Variants in ETNK1 observed in about 807,000 individuals in gnomAD.
ETNK1 encodes the protein putative protein product of Nbla10396.
ETNK1 carries 8 observed loss-of-function variants against 45.1 expected under a neutral mutation model. The observed-to-expected ratio is 0.18, with a 90% CI of 0.10 to 0.32. The LOEUF (loss-of-function observed/expected upper bound fraction) is 0.32, where lower values mean the gene tolerates loss of function less well. ETNK1 is among the 10% of genes least tolerant of loss of function. ETNK1 has a pLI of 1.00. For synonymous variants in ETNK1, 152 were observed against 151.9 expected, an observed-to-expected ratio of 1.00 and a Z score of -0.01; for missense variants, 302 against 430.6, an observed-to-expected ratio of 0.70 and a Z score of 2.64.
intron 1 of ETNK1, among the ~76,000 whole-genome samples, chr12:22,633,040 T>A (rs1953601586): frequency 6.6e-6 from 1 of 152,194 alleles, no homozygotes; most frequent in African/African-American, 2.4e-5. Context: ...AAATTATGCT[T>A]CTTACAATTA....
intron 2 of ETNK1, among the ~76,000 whole-genome samples, chr12:22,658,135 T>G (rs1182539505): frequency 6.6e-6 from 1 of 151,866 alleles, no homozygotes; most frequent in African/African-American, 2.4e-5. Flanking sequence ...TAACAAGAAC[T>G]AGGTAGACAG....
Position 22,643,745 on chromosome 12 carries a change from A to G in ETNK1, c.157-18A>G. On this transcript the variant is annotated intron_variant, in intron 1 of 7. Coordinates refer to ENST00000266517, the MANE Select transcript of ETNK1 (RefSeq NM_018638.5). The stretch of plus-strand genomic sequence containing the variant: ...GATAATTGCTTTTTTTCCCATTTTT[A>G]AAAAAAATTTTTGGCAGCTCTTCAC... The G allele has an allele frequency of 6.4e-7, 1 of 1,557,722 alleles. No individual in the cohort carries two copies. Among genetic ancestry groups the G allele is most frequent in the Non-Finnish European group, 8.7e-7 (1 of 1,149,500 alleles).
At chr12:22,678,923 C>T (rs536609316) in intron 6 of ETNK1, among the ~76,000 whole-genome samples, 16 of 152,314 alleles carry the variant, frequency 1.1e-4, no homozygotes, top group African/African-American at 3.6e-4. Flanking sequence ...ATTTTGAAGT[C>T]CACTAGTTAA....
In ETNK1 at chr12:22,666,097, C is replaced by G. The variant is rs150205765; in HGVS notation, c.700+4892C>G. Among the ~76,000 whole-genome samples, 20 of 152,270 alleles carry G rather than the reference C, an allele frequency of 1.3e-4. No individual in the cohort carries two copies. In the East Asian group the frequency reaches 3.9e-3, roughly 29 times the overall value. On this transcript the variant is annotated intron_variant, in intron 4 of 7. Coordinates refer to ENST00000266517, the MANE Select transcript of ETNK1 (RefSeq NM_018638.5). ...GGCATCACGGGAAGAAATTTTGCCT[C>G]TACCTGCTCTCACCATGTCAGTTGA...
At position 22,625,268 on chromosome 12, in the gene ETNK1, C is replaced by A. The variant is rs769775775; in HGVS notation, c.-163C>A. On this transcript the variant is annotated 5_prime_UTR_variant, in exon 1 of 8. Coordinates refer to ENST00000266517, the MANE Select transcript of ETNK1 (RefSeq NM_018638.5). ...TCCAGACCCGGATCGGCAACAGTGC[C>A]GCCTCCAGACGTTCTCCTGCCGCTC... 1.9e-6 allele frequency: 3 copies of A among 1,609,604 alleles called. No individual in the cohort carries two copies. Among genetic ancestry groups the A allele is most frequent in the Non-Finnish European group, 1.7e-6 (2 of 1,178,852 alleles).
rs866302750 is a variant in ETNK1 at position 22,647,653 on chromosome 12, C to T, written c.416+3631C>T. ...ACAATTAGGCAGTAATTTGCTCATG[C>T]AAAAACTCAAAGGGGATATATAAAA... On this transcript the variant is annotated intron_variant, in intron 2 of 7. Transcript: ENST00000266517. Among the ~76,000 whole-genome samples the T allele has an allele frequency of 8.2e-4, 125 of 151,916 alleles. 1 individual carries two copies. Among genetic ancestry groups the T allele is most frequent in the African/African-American group, 2.8e-3 (118 of 41,492 alleles).
intron 4 of ETNK1, among the ~76,000 whole-genome samples, chr12:22,667,995 T>G (rs1954071076): frequency 6.6e-6 from 1 of 152,194 alleles, no homozygotes; most frequent in Non-Finnish European, 1.5e-5. Flanking sequence ...CAAATTGTAG[T>G]TTTATCCATT....
At position 22,632,350 on chromosome 12, in the gene ETNK1, A is replaced by G. The variant is rs552915031; in HGVS notation, c.156+6764A>G. Among the ~76,000 whole-genome samples the G allele has an allele frequency of 3.3e-5, 5 of 152,164 alleles. No individual in the cohort carries two copies. In the East Asian group the frequency reaches 9.6e-4, roughly 29 times the overall value. ...CCTAAACATATTTTACATAGTTGCA[A>G]TCATACGTATAATTTTATATTCTTT... On this transcript the variant is annotated intron_variant, in intron 1 of 7. Coordinates refer to ENST00000266517, the MANE Select transcript of ETNK1 (RefSeq NM_018638.5).
chr12:22,679,143 C>T (rs1409260392), intron 6 of ETNK1, among the ~76,000 whole-genome samples: 2 of 152,150 alleles, frequency 1.3e-5, no homozygotes, highest in African/African-American at 2.4e-5. Context: ...GCCGTCTGCA[C>T]GCTGAGGAAG....
intron 2 of ETNK1, among the ~76,000 whole-genome samples, chr12:22,644,836 G>A (rs1319307932): frequency 3.3e-5 from 5 of 151,868 alleles, no homozygotes; most frequent in African/African-American, 7.2e-5. Flanking sequence ...GGTAAATAAC[G>A]TCTTGTGAAA....
intron 5 of ETNK1, among the ~76,000 whole-genome samples, chr12:22,671,703 G>A (rs1954108863): frequency 1.3e-5 from 2 of 151,962 alleles, no homozygotes; most frequent in South Asian, 4.2e-4. Context: ...GCCGGGCGTG[G>A]TGGTGGGCGC....
At chr12:22,680,805 A>G (rs1954206751) in intron 6 of ETNK1, among the ~76,000 whole-genome samples, 1 of 150,326 alleles carries the variant, frequency 6.7e-6, no homozygotes, top group Admixed American at 6.7e-5. Context: ...TTGATTGTTT[A>G]ATGTTGAGAT....
intron 5 of ETNK1, among the ~76,000 whole-genome samples, chr12:22,672,409 AG>A (rs1954118425): frequency 6.6e-6 from 1 of 152,092 alleles, no homozygotes; most frequent in Non-Finnish European, 1.5e-5. Flanking sequence ...TCAGATTACC[AG>A]ACTGGGAAAT....
chr12:22,672,079 G>C (rs1277655092), intron 5 of ETNK1, among the ~76,000 whole-genome samples: 1 of 151,992 alleles, frequency 6.6e-6, no homozygotes, highest in African/African-American at 2.4e-5. Context: ...AGCCTTTGCT[G>C]TTTCCATTGT....
chr12:22,637,433 C>T (rs2137525258), intron 1 of ETNK1, among the ~76,000 whole-genome samples: 1 of 152,298 alleles, frequency 6.6e-6, no homozygotes, highest in South Asian at 2.1e-4. Context: ...GATTTTCAAC[C>T]TTTTCTACAG....
chr12:22,626,154 C>A, intron 1 of ETNK1: 1 of 214,454 alleles, frequency 4.7e-6, no homozygotes, highest in South Asian at 5.3e-5. Context: ...TTGTTTGAGT[C>A]GATATTTCTG....
At chr12:22,647,057 A>G (rs1281140252) in intron 2 of ETNK1, among the ~76,000 whole-genome samples, 1 of 151,880 alleles carries the variant, frequency 6.6e-6, no homozygotes, top group African/African-American at 2.4e-5. Flanking sequence ...ACAATGAGCT[A>G]TAGTGCCTGA....
intron 2 of ETNK1, chr12:22,656,709 A>G: frequency 1.0e-6 from 1 of 985,314 alleles, no homozygotes; most frequent in Non-Finnish European, 1.2e-6. Context: ...TACGTTTTGT[A>G]AGAGACCCCA....
chr12:22,651,842 C>T (rs975246195), intron 2 of ETNK1, among the ~76,000 whole-genome samples: 12 of 151,900 alleles, frequency 7.9e-5, no homozygotes, highest in Non-Finnish European at 1.3e-4. Flanking sequence ...CCCACCACCT[C>T]GCCCTGCCGA....
Sources: gnomAD v4.1 joint callset for allele counts (sites outside exome capture counted in the v4.1 genomes callset) on GRCh38, gnomAD v4.1.1 for gene constraint, MANE v1.5 for transcripts, NCBI Gene and HGNC (gene_info 2026-07-23, HGNC 2026-07-21) for gene names.